Variants in PMFBP1 observed in about 807,000 individuals in gnomAD.
The protein encoded by PMFBP1 is polyamine modulated factor 1 binding protein 1.
In PMFBP1, 131 loss-of-function variants were observed where a neutral mutation model predicts 137.8. That is an observed-to-expected ratio of 0.95 (90% CI 0.82 to 1.10). PMFBP1 has a LOEUF of 1.10. Ranked by LOEUF, PMFBP1 falls within the 50% of genes least tolerant of loss-of-function variation. The probability of loss-of-function intolerance (pLI) is 0.00; values close to 1 mark genes in which losing one functional copy is unlikely to be tolerated. For synonymous variants in PMFBP1, 490 were observed against 450.4 expected, an observed-to-expected ratio of 1.09 and a Z score of -1.11; for missense variants, 1,199 against 1,175.4, an observed-to-expected ratio of 1.02 and a Z score of -0.29.
At chr16:72,211,610 A>T in the PMFBP1 span, among the ~76,000 whole-genome samples, 1 of 152,236 alleles carries the variant, frequency 6.6e-6, no homozygotes, top group African/African-American at 2.4e-5. Context: ...AAAGAAAAAA[A>T]CCTTCTAGTT....
chr16:72,158,724 T>G (rs1323114345), intron 3 of PMFBP1, among the ~76,000 whole-genome samples: 1 of 152,194 alleles, frequency 6.6e-6, no homozygotes, highest in Non-Finnish European at 1.5e-5. Flanking sequence ...CCAGGCATGG[T>G]GGCTCATCCC....
At chr16:72,207,523 G>C in the PMFBP1 span, among the ~76,000 whole-genome samples, 3 of 152,182 alleles carry the variant, frequency 2.0e-5, no homozygotes, top group African/African-American at 7.2e-5. Flanking sequence ...TTGTGGTTTA[G>C]TAGAGAAATG....
chr16:72,192,565 A>G, the PMFBP1 span, among the ~76,000 whole-genome samples: 1 of 152,148 alleles, frequency 6.6e-6, no homozygotes, highest in Admixed American at 6.5e-5. Context: ...GAAGAATAGA[A>G]TAAGTATGCA....
At position 72,136,800 on chromosome 16, in the gene PMFBP1, T is replaced by C. The variant is rs141831722; in HGVS notation, c.938A>G (p.Glu313Gly). The C allele has an allele frequency of 9.9e-6, 16 of 1,613,974 alleles. No individual in the cohort carries two copies. The African/African-American group carries it at 2.0e-4, about 20-fold the overall frequency. Residue 313 changes from glutamate to glycine, a missense_variant, in exon 8 of 21, where the codon GAG becomes GGG. Transcript: ENST00000237353. ...ATGCAGGCACTGGCTGTCTTTCTGC[T>C]CCTGCAAGTGCTTCAGTATCTGGCA... ...DIKKILKHLQEQKDSQCLHVE... is the reference protein window; with the variant it reads ...DIKKILKHLQGQKDSQCLHVE...
At chr16:72,145,996 A>G (rs1304485858) in intron 5 of PMFBP1, among the ~76,000 whole-genome samples, 2 of 152,220 alleles carry the variant, frequency 1.3e-5, no homozygotes, top group Admixed American at 6.5e-5. Flanking sequence ...TCCAATCAAT[A>G]GAAAAAGAGG....
At chr16:72,154,052 G>C (rs1288413148) in intron 4 of PMFBP1, among the ~76,000 whole-genome samples, 159 bp downstream of exon 4, 3 of 151,372 alleles carry the variant, frequency 2.0e-5, no homozygotes, top group Non-Finnish European at 4.4e-5. Context: ...CTTCTGCTCA[G>C]CTTCAAAAAG....
At chr16:72,245,324 G>C in the PMFBP1 span, among the ~76,000 whole-genome samples, 1 of 152,200 alleles carries the variant, frequency 6.6e-6, no homozygotes, top group South Asian at 2.1e-4. Context: ...TTGGTAGATA[G>C]TACTGCTACT....
intron 5 of PMFBP1, among the ~76,000 whole-genome samples, chr16:72,149,692 G>A (rs970580315): frequency 1.6e-4 from 25 of 152,174 alleles, no homozygotes; most frequent in South Asian, 1.5e-3. Context: ...GCATGGTGGC[G>A]CGTGACTGTA....
chr16:72,239,844 C>G, the PMFBP1 span, among the ~76,000 whole-genome samples: 1 of 140,912 alleles, frequency 7.1e-6, no homozygotes, highest in African/African-American at 2.8e-5. Flanking sequence ...CAAGATTGCA[C>G]CACTGCACTC....
At chr16:72,180,044 C>T (rs2043270949), upstream of PMFBP1, among the ~76,000 whole-genome samples, 1 of 152,190 alleles carries the variant, frequency 6.6e-6, no homozygotes, top group South Asian at 2.1e-4. Flanking sequence ...TCCCTGAAGG[C>T]CTGCAGCTCC....
intron 4 of PMFBP1, among the ~76,000 whole-genome samples, chr16:72,152,697 T>C: frequency 6.6e-6 from 1 of 151,826 alleles, no homozygotes; most frequent in East Asian, 1.9e-4. Flanking sequence ...ATACAAAAAT[T>C]AGCCGGGTGT....
chr16:72,173,898 C>T (rs3812984), upstream of PMFBP1: 88,192 of 152,104 alleles, frequency 0.58, 26,431 homozygotes, highest in African/African-American at 0.72. Flanking sequence ...CTCATGTCTC[C>T]CTCTTCTTGA....
At chr16:72,130,797 A>T in intron 10 of PMFBP1, 75 bp from the exon 11 acceptor site, 1 of 1,399,724 alleles carries the variant, frequency 7.1e-7, no homozygotes, top group Non-Finnish European at 9.5e-7. Context: ...CTGGCTGAAG[A>T]GTTTTTCCTT....
chr16:72,243,198 G>A, the PMFBP1 span, among the ~76,000 whole-genome samples: 2 of 152,308 alleles, frequency 1.3e-5, no homozygotes, highest in Middle Eastern at 3.4e-3. Flanking sequence ...ACATTAATGC[G>A]ATTAAAACAC....
chr16:72,148,538 T>A (rs1159365949), intron 5 of PMFBP1, among the ~76,000 whole-genome samples: 3 of 152,016 alleles, frequency 2.0e-5, no homozygotes, highest in Non-Finnish European at 4.4e-5. Flanking sequence ...ATAAAAAAAA[T>A]TAAAATATTT....
At chr16:72,186,420 T>G in the PMFBP1 span, among the ~76,000 whole-genome samples, 1 of 152,124 alleles carries the variant, frequency 6.6e-6, no homozygotes, top group Admixed American at 6.5e-5. Flanking sequence ...GGCTATATTC[T>G]AAGATGTTGA....
intron 5 of PMFBP1, among the ~76,000 whole-genome samples, chr16:72,150,061 G>GA (rs1433836773): frequency 6.6e-6 from 1 of 152,030 alleles, no homozygotes; most frequent in Non-Finnish European, 1.5e-5. Flanking sequence ...GCAGTTAAAG[G>GA]AAAAAAGAAA....
intron 20 of PMFBP1, 86 bp from the exon 21 acceptor site, chr16:72,119,440 A>C: frequency 6.2e-7 from 1 of 1,611,524 alleles, no homozygotes; most frequent in South Asian, 1.1e-5. Context: ...ATGGCCAGGC[A>C]GCTCTGCTGC....
chr16:72,170,756 A>T (rs543497663), intron 2 of PMFBP1, among the ~76,000 whole-genome samples: 1 of 152,306 alleles, frequency 6.6e-6, no homozygotes, highest in East Asian at 1.9e-4. Context: ...TGACCAAAAT[A>T]TTAAACTAAT....
Sources: allele counts gnomAD v4.1 joint callset (sites outside exome capture counted in the v4.1 genomes callset), GRCh38; gene constraint gnomAD v4.1.1; transcripts MANE v1.5; gene names NCBI Gene and HGNC (gene_info 2026-07-23, HGNC 2026-07-21).